PCDHGB4: variants seen among roughly 807,000 people sequenced by gnomAD.
The protein encoded by PCDHGB4 is protocadherin gamma-B4.
Under a neutral mutation model 60.5 loss-of-function variants are expected in PCDHGB4, and 38 were observed. The observed-to-expected ratio is 0.63, with a 90% CI of 0.48 to 0.82. The LOEUF (loss-of-function observed/expected upper bound fraction) is 0.82, where lower values mean the gene tolerates loss of function less well. PCDHGB4 is among the 40% of genes least tolerant of loss of function. The pLI, the probability that PCDHGB4 is intolerant of heterozygous loss-of-function variation, is 0.00. For missense variants in PCDHGB4, 1,109 were observed against 1,209.6 expected, an observed-to-expected ratio of 0.92 and a Z score of 1.23; for synonymous variants, 456 against 509.7, an observed-to-expected ratio of 0.89 and a Z score of 1.42.
At chr5:141,418,603 G>C in intron 1 of PCDHGB4, 1 of 1,614,020 alleles carries the variant, frequency 6.2e-7, no homozygotes, top group Non-Finnish European at 8.5e-7. Context: ...ACGTGTACAG[G>C]GTTAGCCTTC....
chr5:141,478,292 C>T, intron 1 of PCDHGB4: 1 of 1,614,146 alleles, frequency 6.2e-7, no homozygotes, highest in Non-Finnish European at 8.5e-7. Flanking sequence ...GTCTAGAGAC[C>T]TATACCGAGC....
intron 1 of PCDHGB4, chr5:141,414,409 A>G: frequency 1.2e-6 from 2 of 1,613,870 alleles, no homozygotes; most frequent in Non-Finnish European, 8.5e-7. Flanking sequence ...GGTGATACAC[A>G]GAGCCCTTGA....
chr5:141,441,665 A>C (rs994092543), intron 1 of PCDHGB4: 10 of 265,838 alleles, frequency 3.8e-5, no homozygotes, highest in African/African-American at 2.1e-4. Context: ...CCTTGAGCGC[A>C]CAGTGCGCCT....
intron 1 of PCDHGB4, among the ~76,000 whole-genome samples, chr5:141,473,132 T>C (rs2099314792): frequency 6.6e-6 from 1 of 152,230 alleles, no homozygotes; most frequent in Non-Finnish European, 1.5e-5. Context: ...TGGCAAACTA[T>C]ATTATCTCTT....
chr5:141,432,960 G>C lies in PCDHGB4; in HGVS notation c.2397+42679G>C. ...CAGGCTTCAGGAGGCGGCTTGACAG[G>C]AGCGCCGGCGTCGCACTTTGTGGGC... On this transcript the variant is annotated intron_variant, in intron 1 of 3. Transcript: ENST00000519479. This position sits in a 1 kb window ranked among gnomAD's most constrained non-coding sequence, Gnocchi z 6.0. The C allele has an allele frequency of 2.5e-6, 4 of 1,614,188 alleles. No homozygotes were observed. The highest frequency in any genetic ancestry group is 3.4e-6 in the Non-Finnish European group (4 of 1,180,034).
At position 141,430,969 on chromosome 5, in the gene PCDHGB4, T is replaced by C. The variant is rs560722324; in HGVS notation, c.2397+40688T>C. The C allele has an allele frequency of 1.5e-4, 246 of 1,613,012 alleles. 3 individuals carry two copies. The South Asian group carries it at 2.6e-3, about 17-fold the overall frequency. The stretch of plus-strand genomic sequence containing the variant: ...GCGGAGTCCGCATCATCCCCAGAGG[T>C]AGGACGCAGCTTTTCGCCCTGAATC... On this transcript the variant is annotated intron_variant, in intron 1 of 3. Transcript: ENST00000519479.
intron 1 of PCDHGB4, chr5:141,408,159 C>T (rs1408291996): frequency 3.9e-5 from 59 of 1,516,228 alleles, no homozygotes; most frequent in Non-Finnish European, 5.2e-5. Context: ...AGTGCACTTT[C>T]TCCAACTGGA....
At chr5:141,435,271 T>C (rs1242477213) in intron 1 of PCDHGB4, among the ~76,000 whole-genome samples, 1 of 152,216 alleles carries the variant, frequency 6.6e-6, no homozygotes, top group African/African-American at 2.4e-5. Context: ...CCATTTATAC[T>C]TTCTCAGTAT....
At position 141,408,331 on chromosome 5, in the gene PCDHGB4, G is replaced by C. The variant is rs779178317; in HGVS notation, c.2397+18050G>C. On this transcript the variant is annotated intron_variant, in intron 1 of 3. Transcript: ENST00000519479. Reference sequence around the variant, plus strand: ...ACTCGATTCCGGAGGAGCTGGCCAAGGGCTCGGTGGTGGGGAACCTCGCTA... The same window carrying C: ...ACTCGATTCCGGAGGAGCTGGCCAACGGCTCGGTGGTGGGGAACCTCGCTA... 3.1e-6 allele frequency: 5 copies of C among 1,613,932 alleles called. No individual in the cohort carries two copies. In the South Asian group the frequency reaches 5.5e-5, roughly 18 times the overall value.
Position 141,400,401 on chromosome 5 carries a change from G to A in PCDHGB4, c.2397+10120G>A, listed in dbSNP as rs760681088. 4 of 1,613,936 alleles carry A rather than the reference G, an allele frequency of 2.5e-6. No homozygotes were observed. The South Asian group carries it at 4.4e-5, about 18-fold the overall frequency. ...TATGTGTTGCACATACAGGAAAGAC[G>A]GAGTTTAATTTCCTAAAATGTAGTG... On this transcript the variant is annotated intron_variant, in intron 1 of 3. Transcript: ENST00000519479.
Position 141,490,943 on chromosome 5 carries a change from G to A in PCDHGB4, c.2398-3864G>A, listed in dbSNP as rs1035375216. The A allele has an allele frequency of 6.8e-6, 11 of 1,613,470 alleles. No homozygotes were observed. The East Asian group carries it at 1.1e-4, about 16-fold the overall frequency. On this transcript the variant is annotated intron_variant, in intron 1 of 3. Coordinates refer to ENST00000519479, the MANE Select transcript of PCDHGB4 (RefSeq NM_003736.4). This position sits in a 1 kb window ranked among gnomAD's most constrained non-coding sequence, Gnocchi z 5.4. Reference sequence around the variant, plus strand: ...AATGCCCCAGCTGTGCTGCACCCACGGCCAGACTGGGAACACTCAGCCCCC... The same window carrying A: ...AATGCCCCAGCTGTGCTGCACCCACAGCCAGACTGGGAACACTCAGCCCCC...
At chr5:141,403,577 C>T (rs1188693688) in intron 1 of PCDHGB4, 2 of 1,613,812 alleles carry the variant, frequency 1.2e-6, no homozygotes, top group South Asian at 1.1e-5. Context: ...AACTGCCCAC[C>T]ACCTGGTCCT....
intron 1 of PCDHGB4, among the ~76,000 whole-genome samples, chr5:141,463,896 T>C (rs982611169): frequency 2.0e-5 from 3 of 152,192 alleles, no homozygotes; most frequent in African/African-American, 7.2e-5. Flanking sequence ...CCTTGCTTTT[T>C]GTACTAATAA....
chr5:141,394,511 C>T, intron 1 of PCDHGB4: 1 of 1,614,218 alleles, frequency 6.2e-7, no homozygotes. Flanking sequence ...TGTACCCCGC[C>T]CTCCCCACAG....
intron 1 of PCDHGB4, chr5:141,396,409 A>C (rs2093377043): frequency 6.6e-6 from 1 of 152,270 alleles, no homozygotes; most frequent in Non-Finnish European, 1.5e-5. Context: ...ACCTGAGGTC[A>C]GGAGTTCAAG....
chr5:141,422,338 A>C, intron 1 of PCDHGB4: 1 of 1,550,090 alleles, frequency 6.5e-7, no homozygotes, highest in Non-Finnish European at 8.7e-7. Flanking sequence ...TGCTCTTCTA[A>C]ATGTGCAAGA....
intron 1 of PCDHGB4, chr5:141,441,111 G>A (rs1457975305): frequency 1.3e-5 from 2 of 152,194 alleles, no homozygotes; most frequent in Non-Finnish European, 1.5e-5. Flanking sequence ...TCATTGTCCA[G>A]TGTACAGTTG....
intron 1 of PCDHGB4, among the ~76,000 whole-genome samples, chr5:141,460,110 A>G (rs966038979): frequency 2.0e-5 from 3 of 151,894 alleles, no homozygotes; most frequent in African/African-American, 7.2e-5. Context: ...ATTATATATG[A>G]TTTTTATATA....
chr5:141,404,826 A>C lies in PCDHGB4; in HGVS notation c.2397+14545A>C, dbSNP rs771996319. 2.5e-6 allele frequency: 4 copies of C among 1,613,710 alleles called. No individual in the cohort carries two copies. In the South Asian group the frequency reaches 3.3e-5, roughly 13 times the overall value. The stretch of plus-strand genomic sequence containing the variant: ...TTCTCGGTGGGGCTGCACACAGGTG[A>C]AGTGCGCACAGCTCGGGCCCTGCTA... On this transcript the variant is annotated intron_variant, in intron 1 of 3. Transcript: ENST00000519479.
Sources: allele counts gnomAD v4.1 joint callset (sites outside exome capture counted in the v4.1 genomes callset), GRCh38; gene constraint gnomAD v4.1.1; non-coding constraint Gnocchi (gnomAD v3.1); transcripts MANE v1.5; gene names NCBI Gene and HGNC (gene_info 2026-07-23, HGNC 2026-07-21).